The following ABCC4 variants were observed in gnomAD, a reference collection of about 807,000 sequenced individuals.
ABCC4 encodes ATP-binding cassette sub-family C member 4.
In ABCC4, 102 loss-of-function variants were observed where a neutral mutation model predicts 168.5. The ratio of observed to expected loss-of-function variants is 0.61; its 90% CI spans 0.52 to 0.71. ABCC4 has a LOEUF of 0.71. Ranked by LOEUF, ABCC4 falls within the 30% of genes least tolerant of loss-of-function variation. The pLI is 0.00. For missense variants in ABCC4, 1,402 were observed against 1,605.8 expected, an observed-to-expected ratio of 0.87 and a Z score of 2.17; for synonymous variants, 617 against 590.7, an observed-to-expected ratio of 1.04 and a Z score of -0.65.
intron 19 of ABCC4, among the ~76,000 whole-genome samples, chr13:95,147,598 T>G (rs1566464210): frequency 6.6e-6 from 1 of 152,178 alleles, no homozygotes; most frequent in Non-Finnish European, 1.5e-5. Flanking sequence ...ACTTGTGAAA[T>G]TTGTCATTTT....
At chr13:95,088,302 AT>A (rs2034321671) in intron 20 of ABCC4, among the ~76,000 whole-genome samples, 2 of 152,246 alleles carry the variant, frequency 1.3e-5, no homozygotes, top group Admixed American at 6.5e-5. Flanking sequence ...AAAAGTGGAA[AT>A]AAAAGATAAG....
At chr13:95,164,054 A>AAAAAAAAAAAAGAAAG (rs59935866) in intron 16 of ABCC4, among the ~76,000 whole-genome samples, 28 of 138,990 alleles carry the variant, frequency 2.0e-4, no homozygotes, top group Non-Finnish European at 3.0e-4. Context: ...AAAAAAAAAA[A>AAAAAAAAAAAAGAAAG]AAAGAAAGAA....
intron 30 of ABCC4, among the ~76,000 whole-genome samples, chr13:95,031,930 G>T (rs562146759): frequency 5.1e-4 from 78 of 152,210 alleles, no homozygotes; most frequent in African/African-American, 1.8e-3. Context: ...TATAGATAGG[G>T]ACACATCTCT....
chr13:95,084,490 T>A (rs1377458313), intron 20 of ABCC4, among the ~76,000 whole-genome samples: 1 of 152,232 alleles, frequency 6.6e-6, no homozygotes, highest in Non-Finnish European at 1.5e-5. Flanking sequence ...AAATTTTACA[T>A]GTTTTAAAAG....
chr13:95,058,813 A>G (rs2139278732), intron 26 of ABCC4, among the ~76,000 whole-genome samples: 1 of 152,244 alleles, frequency 6.6e-6, no homozygotes, highest in East Asian at 1.9e-4. Flanking sequence ...GCAGGGCTGC[A>G]GTGACAATCA....
chr13:95,238,600 G>A (rs1272744436), intron 3 of ABCC4, among the ~76,000 whole-genome samples: 1 of 152,212 alleles, frequency 6.6e-6, no homozygotes, highest in East Asian at 1.9e-4. Flanking sequence ...TTGTTGCGCA[G>A]GCTGGAGTGC....
chr13:95,177,062 C>A (rs4148497), intron 13 of ABCC4, among the ~76,000 whole-genome samples: 14,885 of 152,246 alleles, frequency 0.098, 919 homozygotes, highest in East Asian at 0.21. Flanking sequence ...AAAGGCAAGC[C>A]AGGCCTACAT....
chr13:95,029,028 C>A (rs1385001788), intron 30 of ABCC4, among the ~76,000 whole-genome samples: 1 of 151,494 alleles, frequency 6.6e-6, no homozygotes, highest in Admixed American at 6.6e-5. Flanking sequence ...ATTAGCCAGG[C>A]ATGGTGGTGG....
At chr13:95,210,268 C>G (rs2038915345) in intron 5 of ABCC4, among the ~76,000 whole-genome samples, 1 of 152,142 alleles carries the variant, frequency 6.6e-6, no homozygotes, top group Non-Finnish European at 1.5e-5. Flanking sequence ...CGCTTGAGGC[C>G]AGAATCTTGA....
intron 19 of ABCC4, among the ~76,000 whole-genome samples, chr13:95,157,454 G>A (rs965920668): frequency 6.6e-6 from 1 of 151,900 alleles, no homozygotes; most frequent in Non-Finnish European, 1.5e-5. Context: ...CTGAGATCAT[G>A]CCACTGCACT....
intron 1 of ABCC4, among the ~76,000 whole-genome samples, chr13:95,296,478 G>A (rs906674334): frequency 2.0e-5 from 3 of 152,112 alleles, no homozygotes; most frequent in Non-Finnish European, 4.4e-5. Flanking sequence ...TCTAGGGCAG[G>A]TCTCCAGAGA....
chr13:95,097,480 T>C (rs2034641379), intron 20 of ABCC4, among the ~76,000 whole-genome samples: 2 of 151,326 alleles, frequency 1.3e-5, no homozygotes, highest in Non-Finnish European at 2.9e-5. Context: ...TCTTAGTAAA[T>C]GACAGAACAG....
intron 1 of ABCC4, among the ~76,000 whole-genome samples, chr13:95,290,113 T>TAGACAGAC (rs1164995062): frequency 4.7e-5 from 7 of 149,016 alleles, no homozygotes; most frequent in South Asian, 2.1e-4. Context: ...AATAGATAGA[T>TAGACAGAC]AGATAGATAG....
Position 95,189,828 on chromosome 13 carries a change from T to C in ABCC4, c.1264-1286A>G, listed in dbSNP as rs2038198952. ...GCTTGTGTTACCCATCCTGGGAAAA[T>C]AGGGACAGCATAGTAGTTCTACTAT... On this transcript the variant is annotated intron_variant, in intron 9 of 30. Transcript: ENST00000645237. Among the ~76,000 whole-genome samples, 3 of 152,234 alleles carry C rather than the reference T, an allele frequency of 2.0e-5. No homozygotes were observed. The South Asian group carries it at 6.2e-4, about 32-fold the overall frequency.
At chr13:95,122,878 C>A (rs7321971) in intron 19 of ABCC4, among the ~76,000 whole-genome samples, 1,624 of 152,284 alleles carry the variant, frequency 0.011, 30 homozygotes, top group African/African-American at 0.036. Context: ...CTTAGCCGGG[C>A]ATGGAGGCAC....
chr13:95,031,890 T>C (rs1215613916), intron 30 of ABCC4, among the ~76,000 whole-genome samples: 1 of 152,198 alleles, frequency 6.6e-6, no homozygotes, highest in Non-Finnish European at 1.5e-5. Flanking sequence ...TGATAATATA[T>C]AACATATTTT....
intron 26 of ABCC4, among the ~76,000 whole-genome samples, chr13:95,059,909 T>C (rs2033221021): frequency 6.6e-6 from 1 of 152,188 alleles, no homozygotes; most frequent in South Asian, 2.1e-4. Context: ...TAGTAATTAC[T>C]AGGTTTGGTT....
At chr13:95,280,967 G>A (rs113275392) in intron 1 of ABCC4, among the ~76,000 whole-genome samples, 39 of 152,190 alleles carry the variant, frequency 2.6e-4, no homozygotes, top group Non-Finnish European at 4.4e-4. Context: ...TAAAGGGGGA[G>A]AAGGAAGAGG....
intron 4 of ABCC4, among the ~76,000 whole-genome samples, chr13:95,227,256 C>G (rs191301199): frequency 1.2e-3 from 183 of 152,298 alleles, no homozygotes; most frequent in African/African-American, 4.3e-3. Context: ...AGCTCAAACT[C>G]CAAGCTATGG....
Sources: allele counts gnomAD v4.1 joint callset (sites outside exome capture counted in the v4.1 genomes callset), GRCh38; gene constraint gnomAD v4.1.1; transcripts MANE v1.5; gene names NCBI Gene and HGNC (gene_info 2026-07-23, HGNC 2026-07-21).